Variants in HAVCR2 observed in about 807,000 individuals in gnomAD.
HAVCR2 encodes T cell immunoglobulin mucin 3.
A neutral mutation model predicts 24.7 loss-of-function variants in HAVCR2; 13 were observed. The observed-to-expected ratio is 0.53, with a 90% CI of 0.34 to 0.84. HAVCR2 has a LOEUF of 0.84. Among genes scored for constraint, HAVCR2 ranks in the 40% least tolerant of loss-of-function variants. The probability of loss-of-function intolerance (pLI) is 0.01; values close to 1 mark genes in which losing one functional copy is unlikely to be tolerated. For missense variants in HAVCR2, 343 were observed against 371.2 expected (o/e 0.92, Z 0.62); for synonymous variants, 154 against 143.4 (o/e 1.07, Z -0.53).
chr5:157,107,148 G>A lies in HAVCR2; in HGVS notation c.59-186C>T, dbSNP rs188856373. ...CATCAGAATCACTGGGAAGCCTTGC[G>A]AAAACACAGATTGCTGGGCTCAACT... On this transcript the variant is annotated intron_variant, in intron 1 of 6. Transcript: ENST00000307851. The A allele has an allele frequency of 2.9e-3, 1,648 of 574,786 alleles. 19 individuals are homozygous for A. Among genetic ancestry groups the A allele is most frequent in the African/African-American group, 0.027 (1,475 of 53,672 alleles). 35.6% of individuals were successfully genotyped at this position (574,786 alleles called of 1,614,324 possible). A position where few individuals can be genotyped will look rare whatever the true frequency, so the allele number is the denominator to read the frequency against.
rs1756908426 is a variant in HAVCR2, at chr5:157,086,079, T to C, written c.*1023A>G. ...TTCTGTGAAAAATATAGCTTCAGTT[T>C]GGTCCACGAATACAGAAGTTGGTCA... On this transcript the variant is annotated 3_prime_UTR_variant, in exon 7 of 7. Coordinates refer to ENST00000307851, the MANE Select transcript of HAVCR2 (RefSeq NM_032782.5). 1 of 152,108 alleles carries C rather than the reference T, an allele frequency of 6.6e-6. No individual in the cohort carries two copies. The highest frequency in any genetic ancestry group is 2.4e-5 in the African/African-American group (1 of 41,340). 9.4% of individuals were successfully genotyped at this position (152,108 alleles called of 1,614,324 possible).
chr5:157,108,704 C>A (rs564222737), intron 1 of HAVCR2, among the ~76,000 whole-genome samples: 2 of 152,068 alleles, frequency 1.3e-5, no homozygotes, highest in Non-Finnish European at 2.9e-5. Context: ...TCTTTAATAA[C>A]ATTATAATTT....
intron 3 of HAVCR2, among the ~76,000 whole-genome samples, chr5:157,101,405 C>T (rs1397670089): frequency 6.6e-6 from 1 of 152,064 alleles, no homozygotes; most frequent in Non-Finnish European, 1.5e-5. Flanking sequence ...CAGGTAGCAG[C>T]GGAGGTGAGA....
intron 6 of HAVCR2, among the ~76,000 whole-genome samples, chr5:157,088,330 A>T (rs1035565042): frequency 2.6e-5 from 4 of 152,244 alleles, no homozygotes; most frequent in Non-Finnish European, 4.4e-5. Flanking sequence ...GTGGGTGTGT[A>T]TAATCAGGAA....
chr5:157,100,476 T>C (rs901726422), intron 3 of HAVCR2, among the ~76,000 whole-genome samples: 7 of 152,106 alleles, frequency 4.6e-5, no homozygotes, highest in Non-Finnish European at 7.4e-5. Flanking sequence ...ATGCCCTTAC[T>C]CTAGGCACAG....
intron 2 of HAVCR2, among the ~76,000 whole-genome samples, chr5:157,105,133 C>T (rs887128452): frequency 6.6e-5 from 10 of 151,440 alleles, no homozygotes; most frequent in Admixed American, 1.3e-4. Flanking sequence ...GGCATAATCT[C>T]GGCTCACTGC....
chr5:157,095,195 T>C (rs1757076733), intron 5 of HAVCR2, 111 bp downstream of exon 5: 4 of 1,129,184 alleles, frequency 3.5e-6, no homozygotes, highest in African/African-American at 1.6e-5. Context: ...AAAAGGGTAT[T>C]TAGTCTAATC....
At chr5:157,094,789 C>G (rs969233487) in intron 5 of HAVCR2, among the ~76,000 whole-genome samples, 9 of 152,002 alleles carry the variant, frequency 5.9e-5, no homozygotes, top group African/African-American at 1.9e-4. Flanking sequence ...ATTCTCTAAC[C>G]CCAGTCACGA....
Position 157,106,740 on chromosome 5 carries a change from G to A in HAVCR2, c.281C>T (p.Ser94Phe). ...TAGAGTCACATTCTCTATGGTCAGG[G>A]ACACATCTCCTTTGCGGAAATCCCC... is the stretch of plus-strand genomic sequence containing the variant. The part of the protein sequence containing the change: ...LNGDFRKGDV[S>F]LTIENVTLAD... Residue 94 changes from serine (S) to phenylalanine (F), a missense_variant, in exon 2 of 7, where the codon TCC (serine) becomes TTC (phenylalanine). Transcript: ENST00000307851. The A allele has an allele frequency of 6.2e-7, 1 of 1,614,162 alleles. No homozygotes were observed. The highest frequency in any genetic ancestry group is 8.5e-7 in the Non-Finnish European group (1 of 1,180,018).
intron 2 of HAVCR2, among the ~76,000 whole-genome samples, chr5:157,105,289 C>G (rs1334177196): frequency 6.6e-6 from 1 of 152,144 alleles, no homozygotes; most frequent in Non-Finnish European, 1.5e-5. Flanking sequence ...GTCTCGAACT[C>G]CCGACCTCAG....
rs544329324 is a variant in HAVCR2, at chr5:157,090,404, G to A, written c.677-1427C>T. 7.2e-5 allele frequency among the ~76,000 whole-genome samples: 11 copies of A among 152,098 alleles called. No homozygotes were observed. The East Asian group carries it at 2.1e-3, about 29-fold the overall frequency. The stretch of plus-strand genomic sequence containing the variant: ...GAGCTTGGGAGTTCGAGACCAGCCT[G>A]GGCAACATGGTAAAACCTCATCTCT... On this transcript the variant is annotated intron_variant, in intron 5 of 6. Coordinates refer to ENST00000307851, the MANE Select transcript of HAVCR2 (RefSeq NM_032782.5).
chr5:157,093,918 G>A (rs1315798211), intron 5 of HAVCR2, among the ~76,000 whole-genome samples: 4 of 152,048 alleles, frequency 2.6e-5, no homozygotes, highest in East Asian at 1.9e-4. Context: ...GCACTCCAGC[G>A]TCCATCTCCA....
intron 1 of HAVCR2, among the ~76,000 whole-genome samples, chr5:157,107,757 C>T (rs1197388493): frequency 3.3e-5 from 5 of 152,202 alleles, no homozygotes; most frequent in South Asian, 2.1e-4. Flanking sequence ...TTTACCGGTG[C>T]GGTCACCCTG....
intron 2 of HAVCR2, 89 bp from the exon 3 acceptor site, chr5:157,104,838 G>T (rs943905502): frequency 1.1e-5 from 10 of 903,554 alleles, no homozygotes; most frequent in African/African-American, 1.0e-4. Context: ...AAAAAAATGC[G>T]AAAGACAATT....
In HAVCR2 at chr5:157,091,434, G is replaced by A. The variant is rs558594982; in HGVS notation, c.677-2457C>T. Reference sequence around the variant, plus strand: ...GCACTCCAGCCTAAGCAACAAGAGTGAAACTCTGTCTCAAAAAAAAAAAAA... The same window carrying A: ...GCACTCCAGCCTAAGCAACAAGAGTAAAACTCTGTCTCAAAAAAAAAAAAA... On this transcript the variant is annotated intron_variant, in intron 5 of 6. Coordinates refer to ENST00000307851, the MANE Select transcript of HAVCR2 (RefSeq NM_032782.5). 8.8e-5 allele frequency among the ~76,000 whole-genome samples: 13 copies of A among 148,304 alleles called. No homozygotes were observed. The East Asian group carries it at 2.6e-3, about 29-fold the overall frequency.
Position 157,106,827 on chromosome 5 carries a change from T to G in HAVCR2, c.194A>C (p.Asn65Thr), listed in dbSNP as rs1447655980. 1.9e-6 allele frequency: 3 copies of G among 1,614,068 alleles called. No individual in the cohort carries two copies. The highest frequency in any genetic ancestry group is 2.5e-6 in the Non-Finnish European group (3 of 1,180,018). Residue 65 changes from asparagine (N) to threonine (T), a missense_variant, in exon 2 of 7, where the codon AAC becomes ACC. Transcript: ENST00000307851. The stretch of plus-strand genomic sequence containing the variant: ...CCTTTCATCAGTCCTGAGCACCACG[T>G]TGCCACATTCAAACACAGGACAGGC... Reference protein sequence around the residue: ...KGACPVFECGNVVLRTDERDV... With the variant: ...KGACPVFECGTVVLRTDERDV...
Position 157,091,446 on chromosome 5 carries a change from C to CAA in HAVCR2, c.677-2471_677-2470dup, listed in dbSNP as rs755414299. On this transcript the variant is annotated intron_variant, in intron 5 of 6. Transcript: ENST00000307851. The stretch of plus-strand genomic sequence containing the variant: ...AAGCAACAAGAGTGAAACTCTGTCT[C>CAA]AAAAAAAAAAAAAAAGATAAAGGTA... 1.4e-3 allele frequency among the ~76,000 whole-genome samples: 166 copies of CAA among 116,924 alleles called. 1 individual carries two copies. The highest frequency in any genetic ancestry group is 4.9e-3 in the African/African-American group (159 of 32,358). The allele number at this position is 116,924 out of a possible 152,430, so 76.7% of individuals were successfully genotyped here. A position where few individuals can be genotyped will look rare whatever the true frequency, so the allele number is the denominator to read the frequency against.
chr5:157,093,608 A>C (rs1467015311), intron 5 of HAVCR2, among the ~76,000 whole-genome samples: 1 of 152,148 alleles, frequency 6.6e-6, no homozygotes, highest in Non-Finnish European at 1.5e-5. Flanking sequence ...GGGCATAAGG[A>C]CTTGGTTTCT....
At chr5:157,087,378 G>A in intron 6 of HAVCR2, 84 bp from the exon 7 acceptor site, 1 of 1,157,036 alleles carries the variant, frequency 8.6e-7, no homozygotes, top group Non-Finnish European at 1.2e-6. Context: ...TTCCCAAAGA[G>A]ACAGCAACTA....
Sources: gnomAD v4.1 joint callset for allele counts (sites outside exome capture counted in the v4.1 genomes callset) on GRCh38, gnomAD v4.1.1 for gene constraint, MANE v1.5 for transcripts, NCBI Gene and HGNC (gene_info 2026-07-23, HGNC 2026-07-21) for gene names.